Variants in COL16A1 observed in about 807,000 individuals in gnomAD.
The protein encoded by COL16A1 is collagen type XVI alpha 1 chain.
A neutral mutation model predicts 266.3 loss-of-function variants in COL16A1; 189 were observed. The ratio of observed to expected loss-of-function variants is 0.71; its 90% CI spans 0.63 to 0.80. The LOEUF (loss-of-function observed/expected upper bound fraction) is 0.80, where lower values mean the gene tolerates loss of function less well. Among genes scored for constraint, COL16A1 ranks in the 30% least tolerant of loss-of-function variants. The pLI is 0.00. For synonymous variants in COL16A1, 740 were observed against 782.3 expected, an observed-to-expected ratio of 0.95 and a Z score of 0.90; for missense variants, 1,928 against 2,122.4, an observed-to-expected ratio of 0.91 and a Z score of 1.80.
chr1:31,695,259 C>A, intron 10 of COL16A1, 38 bp from the exon 11 acceptor site: 1 of 1,611,518 alleles, frequency 6.2e-7, no homozygotes, highest in Non-Finnish European at 8.5e-7. Flanking sequence ...CAATTCTGAG[C>A]CCCTGGGGTG....
rs1641921752 is a variant in COL16A1, at chr1:31,664,146, GGGGAGGGGAA to G, written c.3555+1016_3555+1025del. On this transcript the variant is annotated intron_variant, in intron 56 of 70. Coordinates refer to ENST00000373672, the MANE Select transcript of COL16A1 (RefSeq NM_001856.4). This position sits in a 1 kb window ranked among gnomAD's most constrained non-coding sequence, Gnocchi z 5.5. ...GAGCAGGGGCTGCCACTCAGGTCCT[GGGGAGGGGAA>G]GGAAGGGGAAGGGGAAGGGGAAGGG... Among the ~76,000 whole-genome samples, 1 of 135,292 alleles carries G rather than the reference GGGGAGGGGAA, an allele frequency of 7.4e-6. No individual in the cohort carries two copies. The highest frequency in any genetic ancestry group is 7.8e-5 in the Admixed American group (1 of 12,854). The allele number at this position is 135,292 out of a possible 152,430, so 88.8% of individuals were successfully genotyped here. A position where few individuals can be genotyped will look rare whatever the true frequency, so the allele number is the denominator to read the frequency against.
In COL16A1 at chr1:31,688,103, A is replaced by AT. The variant is rs1057472475; in HGVS notation, c.1803+363dup. ...CTGTGAAATGGGAATAATGGAGCAC[A>AT]TACCCCATAAACTCTGGGAGGACAA... On this transcript the variant is annotated intron_variant, in intron 26 of 70. Coordinates refer to ENST00000373672, the MANE Select transcript of COL16A1 (RefSeq NM_001856.4). The surrounding 1 kb of genome is among the most constrained non-coding windows in gnomAD (Gnocchi z 4.9). Among the ~76,000 whole-genome samples, 22 of 152,338 alleles carry AT rather than the reference A, an allele frequency of 1.4e-4. No individual in the cohort carries two copies. Among genetic ancestry groups the AT allele is most frequent in the Admixed American group, 1.4e-3 (22 of 15,302 alleles).
chr1:31,662,464 A>G (rs1414522773), intron 57 of COL16A1, 77 bp from the exon 58 acceptor site: 8 of 1,568,874 alleles, frequency 5.1e-6, no homozygotes, highest in African/African-American at 2.7e-5. Flanking sequence ...CAACCCCTCA[A>G]TTCTCTCCAC....
chr1:31,702,320 G>T, intron 1 of COL16A1, 93 bp from the exon 2 acceptor site: 1 of 1,335,446 alleles, frequency 7.5e-7, no homozygotes, highest in Non-Finnish European at 1.0e-6. Flanking sequence ...TGGGGCCCAG[G>T]CACTGGTATT....
Position 31,690,380 on chromosome 1 carries a change from A to C in COL16A1, c.1496T>G (p.Val499Gly). 6.2e-7 allele frequency: 1 copy of C among 1,613,944 alleles called. No individual in the cohort carries two copies. Among genetic ancestry groups the C allele is most frequent in the Non-Finnish European group, 8.5e-7 (1 of 1,179,984 alleles). ...GPGGKPGKPGVKGEKGDPCEV... is the reference protein window; with the variant it reads ...GPGGKPGKPGGKGEKGDPCEV... ...CCTAGGACTCACCTTCTCTCCCTTC[A>C]CACCTGGCTTCCCCTGTTAGAAAAG... The change falls in exon 22 of 71, where the codon GTG becomes GGG. Residue 499 changes from valine to glycine, a missense_variant. By Grantham distance (109) the Val-to-Gly change is moderately radical. This residue lies in a region of COL16A1 where 1,552 missense variants were observed against 1,637.2 expected (regional missense o/e 0.95). Transcript: ENST00000373672.
In COL16A1 at chr1:31,684,599, G is replaced by A. The variant is rs781184589; in HGVS notation, c.2084C>T (p.Thr695Met). 2.5e-5 allele frequency: 40 copies of A among 1,613,672 alleles called. No homozygotes were observed. Among genetic ancestry groups the A allele is most frequent in the South Asian group, 4.4e-5 (4 of 91,076 alleles). Residue 695 changes from threonine (T) to methionine (M), a missense_variant, in exon 31 of 71, where the codon ACG (threonine) becomes ATG (methionine). Around this residue, in one of 2 missense-constraint regions of COL16A1, gnomAD observed 1,552 missense variants for 1,637.2 expected, o/e 0.95. Coordinates refer to ENST00000373672, the MANE Select transcript of COL16A1 (RefSeq NM_001856.4). ...TCCTGGCCGCCCTGTGGTGCCCGGC[G>A]TTCCAGGGTCTCCAGGATTCCCAGC... ...GDAGNPGDPG[T>M]PGTTGRPGLS...
At chr1:31,666,119 G>A (rs762680128) in intron 52 of COL16A1, 38 bp from the exon 53 acceptor site, 15 of 1,595,398 alleles carry the variant, frequency 9.4e-6, no homozygotes, top group African/African-American at 1.4e-5. Context: ...CACTCCTCCT[G>A]GGGAGGTGAA....
At position 31,662,569 on chromosome 1, in the gene COL16A1, G is replaced by T. The variant is rs762293718; in HGVS notation, c.3627+18C>A. The T allele has an allele frequency of 2.2e-5, 35 of 1,562,406 alleles. No individual in the cohort carries two copies. The highest frequency in any genetic ancestry group is 1.7e-6 in the Non-Finnish European group (2 of 1,153,496). On this transcript the variant is annotated intron_variant, in intron 57 of 70. Coordinates refer to ENST00000373672, the MANE Select transcript of COL16A1 (RefSeq NM_001856.4). ...ATGCATCGCACACGTCTGCCACGCT[G>T]AAAGGGCACACACTCACCTGAATCC... is the stretch of plus-strand genomic sequence containing the variant.
chr1:31,702,225 C>T lies in COL16A1; in HGVS notation c.-32G>A. ...CCAAAGAGGTCAGCTACAGCCACAG[C>T]ACCTGAAAACCACAGAGACCGGGAA... is the stretch of plus-strand genomic sequence containing the variant. On this transcript the variant is annotated splice_region_variant and 5_prime_UTR_variant, in exon 2 of 71. Coordinates refer to ENST00000373672, the MANE Select transcript of COL16A1 (RefSeq NM_001856.4). The T allele has an allele frequency of 6.2e-7, 1 of 1,613,820 alleles. No individual in the cohort carries two copies. Among genetic ancestry groups the T allele is most frequent in the Non-Finnish European group, 8.5e-7 (1 of 1,179,782 alleles).
intron 44 of COL16A1, chr1:31,673,134 A>G (rs1302955421): frequency 2.2e-6 from 1 of 461,564 alleles, no homozygotes; most frequent in Non-Finnish European, 4.1e-6. Context: ...CAGAGGGACC[A>G]TCTGTCCCGG....
rs1246525805 is a variant in COL16A1, at chr1:31,652,998, C to T, written c.4613-145G>A. ...TTTCATGAAGACCTAGTCTGATCCT[C>T]ACGTTGATTTAACAATAACAATACT... On this transcript the variant is annotated intron_variant, in intron 70 of 70. Transcript: ENST00000373672. This position sits in a 1 kb window ranked among gnomAD's most constrained non-coding sequence, Gnocchi z 4.8. 2 of 841,570 alleles carry T rather than the reference C, an allele frequency of 2.4e-6. No individual in the cohort carries two copies. Among genetic ancestry groups the T allele is most frequent in the Non-Finnish European group, 3.3e-6 (2 of 609,016 alleles). The allele number at this position is 841,570 out of a possible 1,614,324, so 52.1% of individuals were successfully genotyped here.
At chr1:31,689,123 C>G (rs373970043) in intron 23 of COL16A1, 38 bp from the exon 24 acceptor site, 1 of 1,612,604 alleles carries the variant, frequency 6.2e-7, no homozygotes, top group Non-Finnish European at 8.5e-7. Context: ...AGGCAGGGCA[C>G]GATGGGGCAC....
In COL16A1 at chr1:31,660,573, G is replaced by C. The variant is rs1641562961; in HGVS notation, c.3879+12C>G. 2 of 1,613,812 alleles carry C rather than the reference G, an allele frequency of 1.2e-6. No homozygotes were observed. Among genetic ancestry groups the C allele is most frequent in the Non-Finnish European group, 1.7e-6 (2 of 1,179,856 alleles). ...CTCTTATGGAGACAGAGACAAAAGTGGTTCAACTCACAACGTGTCCCGGGG... is the reference window on the plus strand; with the variant it reads ...CTCTTATGGAGACAGAGACAAAAGTCGTTCAACTCACAACGTGTCCCGGGG... On this transcript the variant is annotated intron_variant, in intron 62 of 70. Coordinates refer to ENST00000373672, the MANE Select transcript of COL16A1 (RefSeq NM_001856.4).
intron 12 of COL16A1, chr1:31,693,372 C>G: frequency 1.7e-6 from 1 of 584,026 alleles, no homozygotes; most frequent in Non-Finnish European, 3.1e-6. Context: ...CCCCAAGATG[C>G]TATATTTGGC....
intron 44 of COL16A1, 121 bp downstream of exon 44, chr1:31,674,886 G>A (rs1296030278): frequency 6.9e-7 from 1 of 1,457,658 alleles, no homozygotes; most frequent in Non-Finnish European, 9.3e-7. Context: ...TGCTTGGAAT[G>A]CGTATTCCCT....
At chr1:31,686,995 G>C (rs927615346) in intron 26 of COL16A1, among the ~76,000 whole-genome samples, 1 of 152,186 alleles carries the variant, frequency 6.6e-6, no homozygotes, top group African/African-American at 2.4e-5. Flanking sequence ...GGCATCCGGG[G>C]TCCTGTGAGA....
chr1:31,686,302 T>C, intron 26 of COL16A1, 23 bp from the exon 27 acceptor site: 2 of 1,614,064 alleles, frequency 1.2e-6, no homozygotes, highest in Non-Finnish European at 8.5e-7. Flanking sequence ...ACAGAAACCA[T>C]GATTAAAGAG....
At chr1:31,669,421 T>A (rs6425778) in intron 49 of COL16A1, among the ~76,000 whole-genome samples, 79,296 of 151,666 alleles carry the variant, frequency 0.52, 21,675 homozygotes, top group Non-Finnish European at 0.61. Flanking sequence ...TGAGAGGGCA[T>A]GTCACTTTCC....
In COL16A1 at chr1:31,668,960, A is replaced by C; in HGVS notation, c.3196-105T>G. 1.0e-6 allele frequency: 1 copy of C among 977,874 alleles called. No homozygotes were observed. Among genetic ancestry groups the C allele is most frequent in the Non-Finnish European group, 1.5e-6 (1 of 651,680 alleles). 60.6% of individuals were successfully genotyped at this position (977,874 alleles called of 1,614,324 possible). ...CCTTCTGTTCCCACTCCAGGCAAATATGGAGGCCATAGTGGCTCTCGTAGT... is the reference window on the plus strand; with the variant it reads ...CCTTCTGTTCCCACTCCAGGCAAATCTGGAGGCCATAGTGGCTCTCGTAGT... On this transcript the variant is annotated intron_variant, in intron 49 of 70. Transcript: ENST00000373672. The surrounding 1 kb of genome is among the most constrained non-coding windows in gnomAD (Gnocchi z 5.8).
Sources: gnomAD v4.1 joint callset for allele counts (sites outside exome capture counted in the v4.1 genomes callset) on GRCh38, gnomAD v4.1.1 for gene constraint, gnomAD v4.1.1 regional missense constraint, Gnocchi (gnomAD v3.1) non-coding constraint, MANE v1.5 for transcripts, NCBI Gene and HGNC (gene_info 2026-07-23, HGNC 2026-07-21) for gene names.